The following FOXO3 variants were observed in gnomAD, a reference collection of about 807,000 sequenced individuals.
FOXO3 encodes the protein forkhead box protein O3.
In FOXO3, 4 loss-of-function variants were observed where a neutral mutation model predicts 41.9. That is an observed-to-expected ratio of 0.10 (90% CI 0.05 to 0.22). The LOEUF is 0.22. FOXO3 is among the 10% of genes least tolerant of loss of function. FOXO3 has a pLI of 1.00. For missense variants in FOXO3, 534 were observed against 906.8 expected (o/e 0.59, Z 5.28); for synonymous variants, 318 against 389.3 (o/e 0.82, Z 2.16).
intron 1 of FOXO3, among the ~76,000 whole-genome samples, chr6:108,661,755 G>C (rs909072108): frequency 6.6e-6 from 1 of 152,232 alleles, no homozygotes; most frequent in African/African-American, 2.4e-5. Context: ...GCAGAGATAG[G>C]ACTGAATCTG....
intron 1 of FOXO3, chr6:108,618,066 T>C: frequency 1.4e-6 from 1 of 723,516 alleles, no homozygotes; most frequent in Admixed American, 1.8e-5. Flanking sequence ...TTTCCAACTG[T>C]ACAGGTGTGT....
intron 1 of FOXO3, among the ~76,000 whole-genome samples, chr6:108,631,373 A>G (rs1334275685): frequency 6.6e-6 from 1 of 152,114 alleles, no homozygotes; most frequent in Non-Finnish European, 1.5e-5. Flanking sequence ...TAAATGGAGT[A>G]TTGCTGTTTA....
chr6:108,560,859 C>A (rs1018491374), upstream of FOXO3: 97 of 745,844 alleles, frequency 1.3e-4, 1 homozygote, highest in East Asian at 2.5e-3. Context: ...GGGGAGGGGG[C>A]TGCCCCGCGC....
intron 1 of FOXO3, chr6:108,656,331 A>T (rs1333845653): frequency 1.0e-6 from 1 of 984,268 alleles, no homozygotes; most frequent in Non-Finnish European, 1.2e-6. Context: ...AAGCACATGC[A>T]GCTGGTGTCT....
intron 1 of FOXO3, among the ~76,000 whole-genome samples, chr6:108,657,257 G>A (rs1778715540): frequency 6.6e-6 from 1 of 152,204 alleles, no homozygotes; most frequent in Non-Finnish European, 1.5e-5. Flanking sequence ...CCACGTTGGG[G>A]ACAAGCTGGT....
chr6:108,658,462 G>A (rs1778751868), intron 1 of FOXO3, among the ~76,000 whole-genome samples: 1 of 152,182 alleles, frequency 6.6e-6, no homozygotes, highest in African/African-American at 2.4e-5. Context: ...GCAAAGATTG[G>A]CCATTGAAGC....
chr6:108,560,796 C>G (rs1775755181), upstream of FOXO3: 1 of 367,178 alleles, frequency 2.7e-6, no homozygotes, highest in Non-Finnish European at 4.6e-6. Context: ...CGCCCCTCCC[C>G]CTTCTCCCCG....
intron 1 of FOXO3, chr6:108,618,250 A>C: frequency 1.3e-6 from 1 of 778,222 alleles, no homozygotes; most frequent in Non-Finnish European, 2.3e-6. Flanking sequence ...GATTGTTCTT[A>C]GTCTTGACTC....
chr6:108,605,543 C>T (rs948488842), intron 1 of FOXO3, among the ~76,000 whole-genome samples: 4 of 152,296 alleles, frequency 2.6e-5, no homozygotes, highest in East Asian at 1.9e-4. Context: ...TTGGAAGTTG[C>T]TCATTTCTCA....
At chr6:108,560,446 A>AT (rs1399229488), upstream of FOXO3, among the ~76,000 whole-genome samples, 1 of 151,880 alleles carries the variant, frequency 6.6e-6, no homozygotes, top group African/African-American at 2.4e-5. Context: ...TCTTTCCTTT[A>AT]TTTTTTGGAA....
At chr6:108,643,729 G>GT (rs1778322462) in intron 1 of FOXO3, among the ~76,000 whole-genome samples, 1 of 152,134 alleles carries the variant, frequency 6.6e-6, no homozygotes, top group African/African-American at 2.4e-5. Context: ...AGCTATAGCA[G>GT]TGTTGCCCAC....
chr6:108,663,426 A>G, intron 1 of FOXO3, 29 bp from the exon 2 acceptor site: 1 of 1,575,806 alleles, frequency 6.3e-7, no homozygotes, highest in Non-Finnish European at 8.6e-7. Flanking sequence ...ATTCTGGTTC[A>G]TACTCTGTAT....
chr6:108,678,004 A>G (rs1029036085), intron 2 of FOXO3, among the ~76,000 whole-genome samples: 1 of 152,326 alleles, frequency 6.6e-6, no homozygotes. Context: ...GCTTCTTTTT[A>G]TACTTTATTG....
chr6:108,639,383 T>G (rs568403071), intron 1 of FOXO3: 1 of 187,338 alleles, frequency 5.3e-6, no homozygotes, highest in Admixed American at 6.5e-5. Flanking sequence ...GTACCTAAAG[T>G]GTGTGGCATT....
At chr6:108,597,574 C>G (rs925527227) in intron 1 of FOXO3, among the ~76,000 whole-genome samples, 1 of 152,148 alleles carries the variant, frequency 6.6e-6, no homozygotes, top group Non-Finnish European at 1.5e-5. Context: ...TAAATTTAAG[C>G]TGTCAATACA....
intron 1 of FOXO3, among the ~76,000 whole-genome samples, chr6:108,572,238 G>C (rs1056866632): frequency 6.6e-6 from 1 of 152,172 alleles, no homozygotes; most frequent in African/African-American, 2.4e-5. Context: ...GAGAAGCCAA[G>C]GATCCTCAGT....
At chr6:108,673,884 A>G (rs927720643) in intron 2 of FOXO3, among the ~76,000 whole-genome samples, 1 of 152,208 alleles carries the variant, frequency 6.6e-6, no homozygotes, top group African/African-American at 2.4e-5. Flanking sequence ...CCTGTACTAC[A>G]ATTCCCTATT....
chr6:108,651,120 A>G (rs931871515), intron 1 of FOXO3, among the ~76,000 whole-genome samples: 1 of 152,248 alleles, frequency 6.6e-6, no homozygotes, highest in Non-Finnish European at 1.5e-5. Flanking sequence ...AGATACTATT[A>G]GCCCAAGTCA....
chr6:108,580,186 T>A (rs1776370328), intron 1 of FOXO3, among the ~76,000 whole-genome samples: 1 of 128,756 alleles, frequency 7.8e-6, no homozygotes, highest in Admixed American at 7.6e-5. Flanking sequence ...CTTCTTCATT[T>A]TTTTTTTTTT....
Sources: allele counts gnomAD v4.1 joint callset (sites outside exome capture counted in the v4.1 genomes callset), GRCh38; gene constraint gnomAD v4.1.1; transcripts MANE v1.5; gene names NCBI Gene and HGNC (gene_info 2026-07-23, HGNC 2026-07-21).